The following ARHGEF28 variants were observed in gnomAD, a reference collection of about 807,000 sequenced individuals.
ARHGEF28 encodes Rho guanine nucleotide exchange factor 28.
ARHGEF28 carries 152 observed loss-of-function variants against 206.6 expected under a neutral mutation model. That is an observed-to-expected ratio of 0.74 (90% confidence interval 0.64 to 0.84). The LOEUF is 0.84. Among genes scored for constraint, ARHGEF28 ranks in the 40% least tolerant of loss-of-function variants. The probability of loss-of-function intolerance (pLI) is 0.00; values close to 1 mark genes in which losing one functional copy is unlikely to be tolerated. For synonymous variants in ARHGEF28, 763 were observed against 776.4 expected (o/e 0.98, Z 0.29); for missense variants, 2,028 against 2,073.2 (o/e 0.98, Z 0.42).
At chr5:73,842,730 G>A (rs563297904) in intron 11 of ARHGEF28, among the ~76,000 whole-genome samples, 4 of 152,130 alleles carry the variant, frequency 2.6e-5, no homozygotes, top group Admixed American at 6.6e-5. Flanking sequence ...TGCAATCCCC[G>A]TACTTTGGGA....
At chr5:73,917,041 G>A (rs1396292865) in intron 35 of ARHGEF28, among the ~76,000 whole-genome samples, 2 of 152,170 alleles carry the variant, frequency 1.3e-5, no homozygotes, top group African/African-American at 4.8e-5. Flanking sequence ...TGAAACTAGA[G>A]CAGAAAATAT....
chr5:73,723,607 C>G (rs2112335370), intron 2 of ARHGEF28, among the ~76,000 whole-genome samples: 1 of 152,252 alleles, frequency 6.6e-6, no homozygotes, highest in South Asian at 2.1e-4. Context: ...GTATGCTTTT[C>G]TAAATGAAGG....
chr5:73,923,351 C>T (rs376679509), intron 35 of ARHGEF28, among the ~76,000 whole-genome samples: 3 of 152,190 alleles, frequency 2.0e-5, no homozygotes, highest in East Asian at 1.9e-4. Context: ...GCTATGAGTC[C>T]GTTACCTTCA....
At chr5:73,925,648 C>T (rs1214922179) in intron 35 of ARHGEF28, among the ~76,000 whole-genome samples, 1 of 152,210 alleles carries the variant, frequency 6.6e-6, no homozygotes, top group African/African-American at 2.4e-5. Flanking sequence ...AGCAGCGACT[C>T]CTCTGCAATC....
At chr5:73,919,895 G>T (rs904046082) in intron 35 of ARHGEF28, among the ~76,000 whole-genome samples, 2 of 152,190 alleles carry the variant, frequency 1.3e-5, no homozygotes, top group African/African-American at 4.8e-5. Context: ...TTTATGTAAT[G>T]TCTGTCCCAC....
At chr5:73,792,136 C>G (rs1754518089) in intron 7 of ARHGEF28, among the ~76,000 whole-genome samples, 1 of 152,126 alleles carries the variant, frequency 6.6e-6, no homozygotes, top group Non-Finnish European at 1.5e-5. Context: ...CACAGTATCA[C>G]TAATATTTTT....
intron 7 of ARHGEF28, among the ~76,000 whole-genome samples, chr5:73,782,239 G>A (rs141715225): frequency 0.055 from 8,371 of 151,924 alleles, 742 homozygotes; most frequent in African/African-American, 0.19. Flanking sequence ...GGGGGTTCGA[G>A]ACCAGCCTGA....
intron 35 of ARHGEF28, among the ~76,000 whole-genome samples, chr5:73,930,274 G>C (rs1764034828): frequency 5.3e-5 from 8 of 152,156 alleles, no homozygotes; most frequent in Admixed American, 5.2e-4. Flanking sequence ...GCATTGTTAG[G>C]CTTCTAAAAT....
intron 35 of ARHGEF28, among the ~76,000 whole-genome samples, chr5:73,934,409 C>T (rs1449233112): frequency 6.6e-6 from 1 of 152,184 alleles, no homozygotes; most frequent in Admixed American, 6.5e-5. Flanking sequence ...CAGATGTTGT[C>T]AGCTTGATCT....
chr5:73,725,432 G>A (rs1432298560), intron 2 of ARHGEF28, among the ~76,000 whole-genome samples: 1 of 152,254 alleles, frequency 6.6e-6, no homozygotes, highest in Non-Finnish European at 1.5e-5. Flanking sequence ...ATAGAATGTT[G>A]GTCCACTGGA....
chr5:73,795,065 C>T (rs150137812), intron 8 of ARHGEF28, among the ~76,000 whole-genome samples: 1 of 152,316 alleles, frequency 6.6e-6, no homozygotes, highest in African/African-American at 2.4e-5. Context: ...AATGTGATTA[C>T]AAGAGTAAAT....
rs796250942 is a variant in ARHGEF28, at chr5:73,709,138, T to TA, written c.33+24255dup. 1.5e-3 allele frequency among the ~76,000 whole-genome samples: 222 copies of TA among 152,356 alleles called. 4 individuals are homozygous for TA. Among genetic ancestry groups the TA allele is most frequent in the African/African-American group, 5.0e-3 (210 of 41,586 alleles). On this transcript the variant is annotated intron_variant, in intron 2 of 35. Transcript: ENST00000513042. Reference sequence around the variant, plus strand: ...TTCTGTCATACGTTTGTAATACAGTTAGATTCATTGCTACAGTCTATGTTC... The same window carrying TA: ...TTCTGTCATACGTTTGTAATACAGTTAAGATTCATTGCTACAGTCTATGTTC...
At chr5:73,886,225 G>C (rs1761286112) in intron 25 of ARHGEF28, 121 bp downstream of exon 25, 1 of 1,245,222 alleles carries the variant, frequency 8.0e-7, no homozygotes, top group African/African-American at 1.5e-5. Flanking sequence ...CCCTGGGTCA[G>C]TTGAAAGATT....
rs1404522996 is a variant in ARHGEF28, at chr5:73,864,982, T to C, written c.2103+110T>C. 6.4e-6 allele frequency: 6 copies of C among 944,284 alleles called. No individual in the cohort carries two copies. In the African/African-American group the frequency reaches 6.6e-5, roughly 10 times the overall value. The allele number at this position is 944,284 out of a possible 1,614,324, so 58.5% of individuals were successfully genotyped here. A position where few individuals can be genotyped will look rare whatever the true frequency, so the allele number is the denominator to read the frequency against. On this transcript the variant is annotated intron_variant, in intron 17 of 35. Coordinates refer to ENST00000513042, the MANE Select transcript of ARHGEF28 (RefSeq NM_001177693.2). The stretch of plus-strand genomic sequence containing the variant: ...TCTAGATTTATTTCTAAAGCGATCA[T>C]GATAGCGATAACATAACATATGCTC...
chr5:73,873,156 C>A lies in ARHGEF28; in HGVS notation c.2724C>A (p.Phe908Leu). ...DELLEIHRHF[F>L]YSMKERRQES... is the part of the protein sequence containing the mutation. ...TGCTTGAAATCCACAGGCATTTCTT[C>A]TACAGTATGAAGGAACGAAGGCAGG... Residue 908 changes from phenylalanine (F) to leucine (L), a missense_variant, in exon 22 of 36, where the codon TTC becomes TTA. By Grantham distance (22) the Phe-to-Leu change is conservative (BLOSUM62 0). Around this residue, in one of 3 missense-constraint regions of ARHGEF28, gnomAD observed 223 missense variants for 289.9 expected, o/e 0.77. Coordinates refer to ENST00000513042, the MANE Select transcript of ARHGEF28 (RefSeq NM_001177693.2). The A allele has an allele frequency of 6.2e-7, 1 of 1,612,724 alleles. No homozygotes were observed. The highest frequency in any genetic ancestry group is 8.5e-7 in the Non-Finnish European group (1 of 1,179,440).
rs949322402 is a variant in ARHGEF28 at position 73,705,093 on chromosome 5, G to T, written c.33+20209G>T. ...AGGTATTTAGACATTTTAGAACTAT[G>T]ATATTTCTACTTGTGTCCTGTGATC... On this transcript the variant is annotated intron_variant, in intron 2 of 35. Coordinates refer to ENST00000513042, the MANE Select transcript of ARHGEF28 (RefSeq NM_001177693.2). Among the ~76,000 whole-genome samples the T allele has an allele frequency of 2.6e-5, 4 of 152,280 alleles. No homozygotes were observed. In the East Asian group the frequency reaches 5.8e-4, roughly 22 times the overall value.
chr5:73,797,083 G>C (rs760608511), intron 9 of ARHGEF28, among the ~76,000 whole-genome samples: 2 of 152,234 alleles, frequency 1.3e-5, no homozygotes, highest in Non-Finnish European at 2.9e-5. Context: ...GACCTCGTCT[G>C]AGTGTTTTGT....
At chr5:73,763,003 G>T (rs962187567) in intron 4 of ARHGEF28, among the ~76,000 whole-genome samples, 4 of 152,308 alleles carry the variant, frequency 2.6e-5, no homozygotes, top group South Asian at 4.1e-4. Context: ...CTGAATAAAG[G>T]TTAGCTCTTT....
intron 4 of ARHGEF28, among the ~76,000 whole-genome samples, chr5:73,768,409 C>G (rs1753031454): frequency 1.3e-5 from 2 of 152,190 alleles, no homozygotes; most frequent in African/African-American, 4.8e-5. Context: ...CAGAGCTGCC[C>G]AAGACCATGG....
Sources: gnomAD v4.1 joint callset for allele counts (sites outside exome capture counted in the v4.1 genomes callset) on GRCh38, gnomAD v4.1.1 for gene constraint, gnomAD v4.1.1 regional missense constraint, MANE v1.5 for transcripts, NCBI Gene and HGNC (gene_info 2026-07-23, HGNC 2026-07-21) for gene names.